Variants in ENTPD4 observed in about 807,000 individuals in gnomAD.
ENTPD4 encodes the protein ectonucleoside triphosphate diphosphohydrolase 4.
ENTPD4 carries 60 observed loss-of-function variants against 79.1 expected under a neutral mutation model. The observed-to-expected ratio is 0.76, with a 90% CI of 0.62 to 0.94. ENTPD4 has a LOEUF of 0.94. ENTPD4 is among the 40% of genes least tolerant of loss of function. The pLI, the probability that ENTPD4 is intolerant of heterozygous loss-of-function variation, is 0.00. For synonymous variants in ENTPD4, 276 were observed against 292.0 expected, an observed-to-expected ratio of 0.95 and a Z score of 0.56; for missense variants, 772 against 775.1, an observed-to-expected ratio of 1.00 and a Z score of 0.05.
rs60802061 is a variant in ENTPD4 at position 23,443,035 on chromosome 8, C to T, written c.667+815G>A. ...CAACCTGTCCTGAGTCAAGTCCTTT[C>T]TTCTGCCTGGTGTGTGCTTCCTGCC... On this transcript the variant is annotated intron_variant, in intron 6 of 12. Coordinates refer to ENST00000358689, the MANE Select transcript of ENTPD4 (RefSeq NM_004901.5). Among the ~76,000 whole-genome samples the T allele has an allele frequency of 6.0e-3, 913 of 152,216 alleles. 11 individuals are homozygous for T. The highest frequency in any genetic ancestry group is 0.021 in the African/African-American group (857 of 41,524).
At position 23,442,151 on chromosome 8, in the gene ENTPD4, T is replaced by C. The variant is rs953241885; in HGVS notation, c.668-85A>G. ...TATCTGCGCAGTCTGTGCAAACGTC[T>C]CACTTATTTCACTCCCTGATAACCT... On this transcript the variant is annotated intron_variant, in intron 6 of 12. Coordinates refer to ENST00000358689, the MANE Select transcript of ENTPD4 (RefSeq NM_004901.5). The C allele has an allele frequency of 6.0e-6, 5 of 830,558 alleles. No homozygotes were observed. In the Admixed American group the frequency reaches 1.0e-4, roughly 17 times the overall value. 51.4% of individuals were successfully genotyped at this position (830,558 alleles called of 1,614,324 possible). A position where few individuals can be genotyped will look rare whatever the true frequency, so the allele number is the denominator to read the frequency against.
Position 23,444,568 on chromosome 8 carries a change from C to G in ENTPD4, c.451G>C (p.Asp151His), listed in dbSNP as rs1441220154. 2 of 1,614,094 alleles carry G rather than the reference C, an allele frequency of 1.2e-6. No individual in the cohort carries two copies. The highest frequency in any genetic ancestry group is 1.7e-6 in the Non-Finnish European group (2 of 1,179,918). Residue 151 changes from aspartate (D) to histidine (H), a missense_variant, in exon 5 of 13, where the codon GAT (aspartate) becomes CAT (histidine). Transcript: ENST00000358689. ...AAGTTCAAAAGTGGAGAAATGTAAT[C>G]ACTGACTTTCTCTGGAGAGGTAGCA... is the stretch of plus-strand genomic sequence containing the variant. ...EFATSPEKVS[D>H]YISPLLNFAA...
At chr8:23,439,604 T>C (rs1800632027) in intron 9 of ENTPD4, 145 bp downstream of exon 9, 2 of 749,996 alleles carry the variant, frequency 2.7e-6, no homozygotes, top group Non-Finnish European at 4.5e-6. Flanking sequence ...TCATCTCTTC[T>C]CCCTGCTCAG....
chr8:23,432,226 A>C lies in ENTPD4; in HGVS notation c.*700T>G. On this transcript the variant is annotated 3_prime_UTR_variant, in exon 13 of 13. Transcript: ENST00000358689. ...TTCAAGATAGAGAAAAAAGAGGATT[A>C]TCATTTCAGGCAGTAAGTTTTTTGG... 1.0e-6 allele frequency: 1 copy of C among 985,382 alleles called. No individual in the cohort carries two copies. Among genetic ancestry groups the C allele is most frequent in the Non-Finnish European group, 1.2e-6 (1 of 829,912 alleles). The allele number at this position is 985,382 out of a possible 1,614,324, so 61.0% of individuals were successfully genotyped here. A position where few individuals can be genotyped will look rare whatever the true frequency, so the allele number is the denominator to read the frequency against.
intron 4 of ENTPD4, among the ~76,000 whole-genome samples, chr8:23,445,390 G>C (rs1800748046): frequency 6.6e-6 from 1 of 151,982 alleles, no homozygotes; most frequent in African/African-American, 2.4e-5. Context: ...TGTCCTCCAG[G>C]TAAGGCTCAA....
rs771911472 is a variant in ENTPD4, at chr8:23,434,464, T to C, written c.1475A>G (p.Lys492Arg). ...AAACACCTCAAACATCCAGGCCGAT[T>C]TGAAGCACTGATACCTACAAACGGC... ...DLHRLKYQCF[K>R]SAWMFEVFHR... The change falls in exon 12 of 13, where the codon AAA (lysine) becomes AGA (arginine). Residue 492 changes from lysine to arginine, a missense_variant. Coordinates refer to ENST00000358689, the MANE Select transcript of ENTPD4 (RefSeq NM_004901.5). 16 of 1,614,094 alleles carry C rather than the reference T, an allele frequency of 9.9e-6. No homozygotes were observed. The highest frequency in any genetic ancestry group is 6.7e-5 in the African/African-American group (5 of 75,024).
chr8:23,455,139 T>C lies in ENTPD4; in HGVS notation c.-98+2418A>G, dbSNP rs553256885. ...TTTGTCAGTCTCTCACTGACAGTTC[T>C]ACAGATAACGACGAAAACAATGCAA... On this transcript the variant is annotated intron_variant, in intron 1 of 12. Transcript: ENST00000358689. 1.2e-4 allele frequency among the ~76,000 whole-genome samples: 18 copies of C among 152,330 alleles called. No homozygotes were observed. The South Asian group carries it at 3.7e-3, about 32-fold the overall frequency.
rs775296119 is a variant in ENTPD4, at chr8:23,434,382, A to C, written c.1557T>G (p.Val519=). 1 of 1,614,184 alleles carries C rather than the reference A, an allele frequency of 6.2e-7. No individual in the cohort carries two copies. The highest frequency in any genetic ancestry group is 1.1e-5 in the South Asian group (1 of 91,086). Residue 519 remains valine, a synonymous_variant, in exon 12 of 13, where the codon GTT becomes GTG. Coordinates refer to ENST00000358689, the MANE Select transcript of ENTPD4 (RefSeq NM_004901.5). ...GGGTCCACTGAACCTCCTTGTCGTA[A>C]ACTTGCAAGGCAGTCTTTAAGCTTT... is the stretch of plus-strand genomic sequence containing the variant. ...NYKSLKTALQ[V]YDKEVQWTLG...
At position 23,439,787 on chromosome 8, in the gene ENTPD4, G is replaced by A. The variant is rs376920372; in HGVS notation, c.1011C>T (p.Tyr337=). Residue 337 remains tyrosine (Y), a synonymous_variant, in exon 9 of 13, where the codon TAC becomes TAT. Coordinates refer to ENST00000358689, the MANE Select transcript of ENTPD4 (RefSeq NM_004901.5). ...GFGGNAARQR[Y]EDRIFANTIQ... ...TGGTGTTGGCAAATATTCTGTCTTC[G>A]TATCTCTGTCGAGCAGCATTGCCAC... 18 of 1,614,050 alleles carry A rather than the reference G, an allele frequency of 1.1e-5. No individual in the cohort carries two copies. In the East Asian group the frequency reaches 1.8e-4, roughly 16 times the overall value.
intron 6 of ENTPD4, among the ~76,000 whole-genome samples, chr8:23,443,372 C>T (rs572984837): frequency 1.7e-4 from 26 of 152,298 alleles, no homozygotes; most frequent in South Asian, 6.2e-4. Flanking sequence ...AAATGACAGA[C>T]GGCTTTTGAA....
rs572468180 is a variant in ENTPD4 at position 23,429,424 on chromosome 8, T to C, written c.*3502A>G. The C allele has an allele frequency of 1.4e-4, 136 of 985,094 alleles. No individual in the cohort carries two copies. Among genetic ancestry groups the C allele is most frequent in the Middle Eastern group, 5.2e-4 (1 of 1,914 alleles). The allele number at this position is 985,094 out of a possible 1,614,324, so 61.0% of individuals were successfully genotyped here. Reference sequence around the variant, plus strand: ...ATCATTCATTATTGAAAGGGAAACTTAGTATCAAAAGAAACAAAACACTGA... The same window carrying C: ...ATCATTCATTATTGAAAGGGAAACTCAGTATCAAAAGAAACAAAACACTGA... On this transcript the variant is annotated 3_prime_UTR_variant, in exon 13 of 13. Transcript: ENST00000358689.
chr8:23,452,575 T>C (rs1039576428), intron 1 of ENTPD4, among the ~76,000 whole-genome samples: 1 of 152,228 alleles, frequency 6.6e-6, no homozygotes. Context: ...TAGCCACATA[T>C]AGCTTCTGCA....
At chr8:23,436,423 G>A (rs1800561906) in intron 10 of ENTPD4, among the ~76,000 whole-genome samples, 1 of 152,136 alleles carries the variant, frequency 6.6e-6, no homozygotes, top group Non-Finnish European at 1.5e-5. Flanking sequence ...GTCTGGAGTT[G>A]TGGAATCTAG....
intron 8 of ENTPD4, 85 bp from the exon 9 acceptor site, chr8:23,440,000 T>A: frequency 8.6e-7 from 1 of 1,156,966 alleles, no homozygotes; most frequent in Admixed American, 2.1e-5. Flanking sequence ...TAGTCTCATC[T>A]AAAAGGGACA....
At chr8:23,454,620 G>A (rs1409990456) in intron 1 of ENTPD4, among the ~76,000 whole-genome samples, 1 of 152,178 alleles carries the variant, frequency 6.6e-6, no homozygotes, top group African/African-American at 2.4e-5. Flanking sequence ...TAGATGGGGT[G>A]AGAAAGAACA....
At chr8:23,453,836 C>A (rs1167949487) in intron 1 of ENTPD4, among the ~76,000 whole-genome samples, 1 of 152,158 alleles carries the variant, frequency 6.6e-6, no homozygotes, top group Non-Finnish European at 1.5e-5. Context: ...ATAGGATGGT[C>A]ATCATAGTAT....
chr8:23,451,300 G>A (rs555275681), intron 1 of ENTPD4, among the ~76,000 whole-genome samples: 44 of 152,242 alleles, frequency 2.9e-4, no homozygotes, highest in African/African-American at 1.0e-3. Context: ...GATTACAGGC[G>A]TGAGCCACTG....
chr8:23,432,800 C>T lies in ENTPD4; in HGVS notation c.*126G>A. 5 of 1,442,478 alleles carry T rather than the reference C, an allele frequency of 3.5e-6. No individual in the cohort carries two copies. The highest frequency in any genetic ancestry group is 4.5e-6 in the Non-Finnish European group (5 of 1,101,134). 89.4% of individuals were successfully genotyped at this position (1,442,478 alleles called of 1,614,324 possible). A position where few individuals can be genotyped will look rare whatever the true frequency, so the allele number is the denominator to read the frequency against. On this transcript the variant is annotated 3_prime_UTR_variant, in exon 13 of 13. Coordinates refer to ENST00000358689, the MANE Select transcript of ENTPD4 (RefSeq NM_004901.5). ...GGCGTGAGCCACCGCGCTCGGCCTG[C>T]ATTTTGTTTTTGTTTGGAGGAACAA...
In ENTPD4 at chr8:23,431,621, G is replaced by C. The variant is rs1800455305; in HGVS notation, c.*1305C>G. ...GCAACAGCCTCAGTCAATGCGGTTA[G>C]GAAGAGGACTCGGCAGGCTGTGCAT... On this transcript the variant is annotated 3_prime_UTR_variant, in exon 13 of 13. Coordinates refer to ENST00000358689, the MANE Select transcript of ENTPD4 (RefSeq NM_004901.5). The C allele has an allele frequency of 3.0e-6, 3 of 985,324 alleles. No individual in the cohort carries two copies. The highest frequency in any genetic ancestry group is 2.4e-6 in the Non-Finnish European group (2 of 829,944). The allele number at this position is 985,324 out of a possible 1,614,324, so 61.0% of individuals were successfully genotyped here.
Sources: allele counts gnomAD v4.1 joint callset (sites outside exome capture counted in the v4.1 genomes callset), GRCh38; gene constraint gnomAD v4.1.1; transcripts MANE v1.5; gene names NCBI Gene and HGNC (gene_info 2026-07-23, HGNC 2026-07-21).